The following EIF1AY variants were observed in gnomAD, a reference collection of about 807,000 sequenced individuals.
The protein encoded by EIF1AY is eukaryotic translation initiation factor 1A Y-linked, also known as eukaryotic translation initiation factor 1A, Y-chromosomal.
For synonymous variants in EIF1AY, 16 were observed against 9.9 expected, an observed-to-expected ratio of 1.62 and a Z score of -1.16; for missense variants, 19 against 30.6, an observed-to-expected ratio of 0.62 and a Z score of 0.89.
intron 3 of EIF1AY, among the ~76,000 whole-genome samples, chrY:20,584,242 A>T (rs2089353108): frequency 3.4e-5 from 1 of 29,444 alleles, no homozygotes; most frequent in African/African-American, 1.4e-4. Flanking sequence ...TGTACAGTCT[A>T]GGCCTCTCTG....
intron 3 of EIF1AY, among the ~76,000 whole-genome samples, chrY:20,583,818 A>G (rs2089352675): frequency 3.0e-5 from 1 of 33,399 alleles, no homozygotes; most frequent in Admixed American, 2.7e-4. Flanking sequence ...CTTTATAGTC[A>G]TTTTGTGTAG....
intron 6 of EIF1AY, 90 bp from the exon 7 acceptor site, chrY:20,592,251 T>G: frequency 5.4e-6 from 1 of 186,223 alleles, no homozygotes; most frequent in Non-Finnish European, 8.8e-6. Context: ...ACGATTTACT[T>G]CACAGTTTAC....
At chrY:20,586,472 G>A (rs1048642406) in intron 4 of EIF1AY, among the ~76,000 whole-genome samples, 1 of 33,532 alleles carries the variant, frequency 3.0e-5, no homozygotes, top group Non-Finnish European at 7.4e-5. Context: ...ATTCTCTATA[G>A]AATGGTGTTA....
chrY:20,590,087 G>GGA (rs1171241721), intron 6 of EIF1AY, among the ~76,000 whole-genome samples: 22 of 28,171 alleles, frequency 7.8e-4, no homozygotes, highest in East Asian at 2.8e-3. Flanking sequence ...AGGGAGAGGG[G>GGA]GAGAGAGAGA....
intron 1 of EIF1AY, among the ~76,000 whole-genome samples, chrY:20,576,421 C>T: frequency 3.0e-5 from 1 of 33,450 alleles, no homozygotes; most frequent in African/African-American, 1.2e-4. Context: ...TTTTCAACTT[C>T]CGTATCCGAT....
intron 4 of EIF1AY, chrY:20,587,444 A>G (rs2089355349): frequency 9.4e-5 from 3 of 31,948 alleles, no homozygotes; most frequent in Non-Finnish European, 1.5e-4. Context: ...GCCTGCCACC[A>G]CGCCCAGCTA....
chrY:20,592,399 G>A lies in EIF1AY; in HGVS notation c.*53G>A. The A allele has an allele frequency of 3.3e-6, 1 of 305,185 alleles. No homozygotes were observed. Among genetic ancestry groups the A allele is most frequent in the Non-Finnish European group, 4.7e-6 (1 of 213,272 alleles). The allele number at this position is 305,185 out of a possible 400,897, so 76.1% of individuals were successfully genotyped here. A position where few individuals can be genotyped will look rare whatever the true frequency, so the allele number is the denominator to read the frequency against. On this transcript the variant is annotated 3_prime_UTR_variant, in exon 7 of 7. Coordinates refer to ENST00000361365, the MANE Select transcript of EIF1AY (RefSeq NM_004681.4). ...GTTCTCTGAGGATGGTTCTACAGTT[G>A]GGATTTTGGCCATCATCAACCAAGA...
chrY:20,591,249 A>T, intron 6 of EIF1AY, among the ~76,000 whole-genome samples: 1 of 32,953 alleles, frequency 3.0e-5, no homozygotes, highest in Non-Finnish European at 7.4e-5. Context: ...CACCCATGAC[A>T]CAGCCTCGGG....
In EIF1AY at chrY:20,592,673, T is replaced by A; in HGVS notation, c.*327T>A. On this transcript the variant is annotated 3_prime_UTR_variant, in exon 7 of 7. Coordinates refer to ENST00000361365, the MANE Select transcript of EIF1AY (RefSeq NM_004681.4). The stretch of plus-strand genomic sequence containing the variant: ...ATATTTTGAATACATTTCTGCCTGA[T>A]AATCATGCTGGGTTCTAATAAGCCC... The A allele has an allele frequency of 2.4e-5, 1 of 41,033 alleles. No homozygotes were observed. Among genetic ancestry groups the A allele is most frequent in the African/African-American group, 1.1e-4 (1 of 8,893 alleles). The allele number at this position is 41,033 out of a possible 400,897, so 10.2% of individuals were successfully genotyped here. A position where few individuals can be genotyped will look rare whatever the true frequency, so the allele number is the denominator to read the frequency against.
At chrY:20,591,787 G>A (rs2089359120) in intron 6 of EIF1AY, among the ~76,000 whole-genome samples, 1 of 33,451 alleles carries the variant, frequency 3.0e-5, no homozygotes, top group East Asian at 8.3e-4. Flanking sequence ...GTTAGAATAA[G>A]GATCTAGACA....
chrY:20,591,949 A>G (rs929280124), intron 6 of EIF1AY, among the ~76,000 whole-genome samples: 1 of 33,619 alleles, frequency 3.0e-5, no homozygotes, highest in Non-Finnish European at 7.4e-5. Flanking sequence ...TGCTTATTAC[A>G]AGAGAACACT....
intron 5 of EIF1AY, chrY:20,589,012 A>C: frequency 5.8e-5 from 2 of 34,777 alleles, no homozygotes; most frequent in African/African-American, 2.3e-4. Flanking sequence ...CCTGTGCTCA[A>C]ATCCTTTTTG....
intron 1 of EIF1AY, among the ~76,000 whole-genome samples, chrY:20,578,624 G>C: frequency 2.9e-5 from 1 of 33,934 alleles, no homozygotes; most frequent in Non-Finnish European, 7.3e-5. Flanking sequence ...ACAGAACAAT[G>C]TGAGACTGCC....
At chrY:20,575,918 C>T (rs1311891784) in intron 1 of EIF1AY, 31 bp downstream of exon 1, 6 of 375,925 alleles carry the variant, frequency 1.6e-5, no homozygotes, top group Non-Finnish European at 2.2e-5. Flanking sequence ...GACTATACCT[C>T]GGCTTGCTCT....
chrY:20,575,855 A>G lies in EIF1AY; in HGVS notation c.-17A>G. ...GAAAGGAGTCGGAAGAGGTCTCACG[A>G]GGCTGTCATCACCGCCATGCCCAAG... On this transcript the variant is annotated 5_prime_UTR_variant, in exon 1 of 7. Transcript: ENST00000361365. 2.6e-6 allele frequency: 1 copy of G among 384,969 alleles called. No individual in the cohort carries two copies. The highest frequency in any genetic ancestry group is 3.6e-6 in the Non-Finnish European group (1 of 275,347).
intron 1 of EIF1AY, 105 bp from the exon 2 acceptor site, chrY:20,579,503 T>C: frequency 6.8e-6 from 1 of 148,107 alleles, no homozygotes; most frequent in Non-Finnish European, 1.2e-5. Flanking sequence ...CTGCAAGTGG[T>C]TTCAAAAACA....
At chrY:20,587,827 A>T in intron 4 of EIF1AY, 197 bp from the exon 5 acceptor site, 1 of 116,307 alleles carries the variant, frequency 8.6e-6, no homozygotes, top group South Asian at 6.1e-5. Flanking sequence ...TTACTAATGA[A>T]CATAAACCAC....
In EIF1AY at chrY:20,589,509, T is replaced by C. The variant is rs1382594808; in HGVS notation, c.363T>C (p.Phe121=). 3 of 389,800 alleles carry C rather than the reference T, an allele frequency of 7.7e-6. No homozygotes were observed. Among genetic ancestry groups the C allele is most frequent in the Non-Finnish European group, 1.1e-5 (3 of 275,278 alleles). ...EHAKINETDT[F]GPGDDDEIQF... ...CTAAAATCAATGAAACAGACACATT[T>C]GGTCCTGGAGATGATGATGAAATCC... The change falls in exon 6 of 7, where the codon TTT becomes TTC. Residue 121 remains phenylalanine (F), a synonymous_variant. Transcript: ENST00000361365.
At chrY:20,575,983 T>G in intron 1 of EIF1AY, 96 bp downstream of exon 1, 1 of 236,198 alleles carries the variant, frequency 4.2e-6, no homozygotes, top group Admixed American at 9.1e-5. Flanking sequence ...ACGGCGGTAC[T>G]GGCCACTGCG....
Sources: gnomAD v4.1 joint callset for allele counts (sites outside exome capture counted in the v4.1 genomes callset) on GRCh38, gnomAD v4.1.1 for gene constraint, MANE v1.5 for transcripts, NCBI Gene and HGNC (gene_info 2026-07-23, HGNC 2026-07-21) for gene names.